Variants in HDAC2 observed in about 807,000 individuals in gnomAD.
HDAC2 encodes the protein YY1-associated factor 1.
In HDAC2, 5 loss-of-function variants were observed where a neutral mutation model predicts 68.5. The observed-to-expected ratio is 0.07, with a 90% CI of 0.04 to 0.15. The LOEUF is 0.15. Among genes scored for constraint, HDAC2 ranks in the 10% least tolerant of loss-of-function variants. HDAC2 has a pLI of 1.00. For missense variants in HDAC2, 291 were observed against 600.8 expected (o/e 0.48, Z 5.39); for synonymous variants, 182 against 191.3 (o/e 0.95, Z 0.40).
At chr6:113,954,868 A>C (rs1776511956) in intron 5 of HDAC2, among the ~76,000 whole-genome samples, 1 of 152,242 alleles carries the variant, frequency 6.6e-6, no homozygotes, top group African/African-American at 2.4e-5. Flanking sequence ...CATTGCGAAC[A>C]TCCAAATTCC....
intron 10 of HDAC2, among the ~76,000 whole-genome samples, chr6:113,944,642 T>A (rs1776226875): frequency 6.6e-6 from 1 of 152,142 alleles, no homozygotes; most frequent in African/African-American, 2.4e-5. Context: ...ACTACAAGTG[T>A]ATGCCACCAT....
chr6:113,959,308 A>T (rs544592849), intron 2 of HDAC2, among the ~76,000 whole-genome samples: 1 of 152,180 alleles, frequency 6.6e-6, no homozygotes, highest in African/African-American at 2.4e-5. Context: ...AATAATTCAC[A>T]TATTCACATA....
At chr6:113,944,185 G>A (rs998545869) in intron 11 of HDAC2, 95 bp downstream of exon 11, 13 of 1,071,730 alleles carry the variant, frequency 1.2e-5, no homozygotes, top group African/African-American at 4.7e-5. Flanking sequence ...CAGTGTGCTC[G>A]TGAACATGAC....
chr6:113,950,044 G>A (rs1454184601), intron 6 of HDAC2, among the ~76,000 whole-genome samples: 1 of 152,072 alleles, frequency 6.6e-6, no homozygotes, highest in African/African-American at 2.4e-5. Flanking sequence ...GCCCCCCAAG[G>A]TGCTGGGATT....
rs1330839172 is a variant in HDAC2, at chr6:113,936,245, G to C, written c.*4813C>G. 1.3e-5 allele frequency: 2 copies of C among 152,016 alleles called. No homozygotes were observed. The highest frequency in any genetic ancestry group is 2.9e-5 in the Non-Finnish European group (2 of 68,018). The allele number at this position is 152,016 out of a possible 1,614,324, so 9.4% of individuals were successfully genotyped here. ...GCTCTGCTTGTTACATGGCCACCAA[G>C]TGACTATAAGAGAAAACACACAGAA... is the stretch of plus-strand genomic sequence containing the variant. On this transcript the variant is annotated 3_prime_UTR_variant, in exon 14 of 14. Transcript: ENST00000519065.
intron 1 of HDAC2, among the ~76,000 whole-genome samples, chr6:113,966,242 C>A (rs373637327): frequency 2.0e-5 from 3 of 152,068 alleles, no homozygotes; most frequent in Non-Finnish European, 4.4e-5. Context: ...TATATGAAAG[C>A]GTTCTATCTA....
At chr6:113,945,816 C>T (rs117604569) in intron 9 of HDAC2, among the ~76,000 whole-genome samples, 192 bp downstream of exon 9, 3,159 of 151,872 alleles carry the variant, frequency 0.021, 55 homozygotes, top group Non-Finnish European at 0.032. Flanking sequence ...TGAAGCCTAA[C>T]CTAACTGTTC....
chr6:113,941,707 C>T lies in HDAC2; in HGVS notation c.1436+1G>A. The stretch of plus-strand genomic sequence containing the variant: ...AGTACTTGATAAGGAACATCATTTA[C>T]CCTTTGGTATCTGTTTTTTCACCAC... On this transcript the variant is annotated splice_donor_variant, in intron 13 of 13. Coordinates refer to ENST00000519065, the MANE Select transcript of HDAC2 (RefSeq NM_001527.4). LOFTEE classifies it high-confidence loss of function. 3 of 1,334,506 alleles carry T rather than the reference C, an allele frequency of 2.2e-6. No individual in the cohort carries two copies. The highest frequency in any genetic ancestry group is 1.4e-5 in the South Asian group (1 of 73,492). 82.7% of individuals were successfully genotyped at this position (1,334,506 alleles called of 1,614,324 possible).
rs1776086128 is a variant in HDAC2, at chr6:113,939,680, G to A, written c.*1378C>T. On this transcript the variant is annotated 3_prime_UTR_variant, in exon 14 of 14. Transcript: ENST00000519065. The stretch of plus-strand genomic sequence containing the variant: ...AATCACAATGGTGATTACTTCTTAA[G>A]GCTGGGAGGGAGGGAGGATTACAAA... The A allele has an allele frequency of 6.6e-6, 1 of 152,108 alleles. No homozygotes were observed. Among genetic ancestry groups the A allele is most frequent in the Admixed American group, 6.5e-5 (1 of 15,282 alleles). 9.4% of individuals were successfully genotyped at this position (152,108 alleles called of 1,614,324 possible).
intron 3 of HDAC2, among the ~76,000 whole-genome samples, chr6:113,957,565 T>TC (rs1776585106): frequency 6.6e-6 from 1 of 151,598 alleles, no homozygotes; most frequent in African/African-American, 2.4e-5. Flanking sequence ...CACTGCAACC[T>TC]CCACCTCTGG....
Position 113,933,527 on chromosome 6 carries a change from C to T in HDAC2, c.*7531G>A, listed in dbSNP as rs1485417944. The T allele has an allele frequency of 6.6e-6, 1 of 152,188 alleles. No individual in the cohort carries two copies. Among genetic ancestry groups the T allele is most frequent in the Non-Finnish European group, 1.5e-5 (1 of 68,044 alleles). 9.4% of individuals were successfully genotyped at this position (152,188 alleles called of 1,614,324 possible). ...CTATCCCCTTCCATTCCCCTTCCCA[C>T]TTCTATTTCCATTCCAGTCCATTCT... On this transcript the variant is annotated 3_prime_UTR_variant, in exon 14 of 14. Coordinates refer to ENST00000519065, the MANE Select transcript of HDAC2 (RefSeq NM_001527.4).
At chr6:113,955,924 T>C in intron 5 of HDAC2, 89 bp downstream of exon 5, 1 of 893,270 alleles carries the variant, frequency 1.1e-6, no homozygotes, top group Non-Finnish European at 1.6e-6. Flanking sequence ...ATGGTTTACC[T>C]AATATTTTTT....
chr6:113,935,349 G>C lies in HDAC2; in HGVS notation c.*5709C>G, dbSNP rs1402366686. ...TGTTGGTATTTGTTAAGTACAGCCA[G>C]TTTTGATAATGTGCTCTCTTTTACT... On this transcript the variant is annotated 3_prime_UTR_variant, in exon 14 of 14. Coordinates refer to ENST00000519065, the MANE Select transcript of HDAC2 (RefSeq NM_001527.4). 2 of 152,186 alleles carry C rather than the reference G, an allele frequency of 1.3e-5. No homozygotes were observed. The highest frequency in any genetic ancestry group is 2.9e-5 in the Non-Finnish European group (2 of 68,040). The allele number at this position is 152,186 out of a possible 1,614,324, so 9.4% of individuals were successfully genotyped here.
chr6:113,966,234 T>C (rs1776814512), intron 1 of HDAC2, among the ~76,000 whole-genome samples: 1 of 152,104 alleles, frequency 6.6e-6, no homozygotes, highest in South Asian at 2.1e-4. Context: ...GGGAACGTTA[T>C]ATGAAAGCGT....
intron 8 of HDAC2, chr6:113,947,461 C>T (rs1045153279): frequency 2.6e-5 from 4 of 152,092 alleles, no homozygotes; most frequent in Non-Finnish European, 5.9e-5. Flanking sequence ...TATCCTTACA[C>T]GCTTTATGCA....
In HDAC2 at chr6:113,941,095, A is replaced by G. The variant is rs963508706; in HGVS notation, c.1437-7T>C. 6.2e-7 allele frequency: 1 copy of G among 1,607,452 alleles called. No homozygotes were observed. The highest frequency in any genetic ancestry group is 8.5e-7 in the Non-Finnish European group (1 of 1,176,616). On this transcript the variant is annotated splice_region_variant and splice_polypyrimidine_tract_variant and intron_variant, in intron 13 of 13. Coordinates refer to ENST00000519065, the MANE Select transcript of HDAC2 (RefSeq NM_001527.4). ...GAGCTGTTCTGATTTGGTTCTGTTA[A>G]AAGAGGCAATGTGAAATATTAAAAA...
At chr6:113,944,445 T>TA in intron 10 of HDAC2, 35 bp from the exon 11 acceptor site, 1 of 1,592,680 alleles carries the variant, frequency 6.3e-7, no homozygotes. Flanking sequence ...TAGACAAAAT[T>TA]AAATTTCTTT....
rs779754244 is a variant in HDAC2, at chr6:113,971,122, G to A, written c.-214C>T. The A allele has an allele frequency of 6.5e-7, 1 of 1,539,084 alleles. No individual in the cohort carries two copies. The highest frequency in any genetic ancestry group is 1.2e-5 in the South Asian group (1 of 83,730). ...TGCCGAAAGCTCGGAATCGGAGGTG[G>A]CAGCGGCACCAACTCGCGAGGAGGG... On this transcript the variant is annotated 5_prime_UTR_variant, in exon 1 of 14. Transcript: ENST00000519065.
At chr6:113,958,553 C>A in intron 3 of HDAC2, 96 bp downstream of exon 3, 1 of 661,086 alleles carries the variant, frequency 1.5e-6, no homozygotes, top group Non-Finnish European at 2.6e-6. Context: ...CATATTAGAC[C>A]AACAGGAAAA....
Sources: allele counts gnomAD v4.1 joint callset (sites outside exome capture counted in the v4.1 genomes callset), GRCh38; gene constraint gnomAD v4.1.1; transcripts MANE v1.5; gene names NCBI Gene and HGNC (gene_info 2026-07-23, HGNC 2026-07-21).